Variants in COL5A1 observed in about 807,000 individuals in gnomAD.
COL5A1 encodes collagen type V alpha 1 chain, also known as collagen alpha-1(V) chain.
COL5A1 carries 16 observed loss-of-function variants against 263.7 expected under a neutral mutation model. The observed-to-expected ratio is 0.06, with a 90% confidence interval of 0.04 to 0.09. COL5A1 has a LOEUF of 0.09. Ranked by LOEUF, COL5A1 falls within the 10% of genes least tolerant of loss-of-function variation. The pLI is 1.00. For synonymous variants in COL5A1, 1,012 were observed against 1,004.5 expected (o/e 1.01, Z -0.14); for missense variants, 2,036 against 2,540.5 (o/e 0.80, Z 4.27).
At chr9:134,744,975 C>G (rs1488528927) in intron 11 of COL5A1, among the ~76,000 whole-genome samples, 2 of 152,276 alleles carry the variant, frequency 1.3e-5, no homozygotes, top group African/African-American at 4.8e-5. Flanking sequence ...TTCACCTCCA[C>G]ACGGCCCTTC....
chr9:134,730,583 C>A, intron 7 of COL5A1, 108 bp downstream of exon 7: 2 of 1,502,378 alleles, frequency 1.3e-6, no homozygotes, highest in Non-Finnish European at 1.8e-6. Context: ...CCTTGGTGTC[C>A]TCGGGTGGCC....
intron 4 of COL5A1, among the ~76,000 whole-genome samples, chr9:134,705,942 C>T (rs551185205): frequency 2.0e-3 from 309 of 152,328 alleles, no homozygotes; most frequent in Admixed American, 3.8e-3. Flanking sequence ...CCAGCTAGGG[C>T]GAGTGCTCCG....
rs79340402 is a variant in COL5A1, at chr9:134,697,537, T to C, written c.278-2372T>C. On this transcript the variant is annotated intron_variant, in intron 2 of 65. Transcript: ENST00000371817. ...TGGGGACGGGAGCCAGGTGGCCCTT[T>C]GCAATGAGAGTGAGGGAGTGGACTC... Among the ~76,000 whole-genome samples the C allele has an allele frequency of 3.1e-3, 478 of 152,158 alleles. 1 individual carries two copies. Among genetic ancestry groups the C allele is most frequent in the African/African-American group, 0.01 (430 of 41,518 alleles).
At position 134,841,830 on chromosome 9, in the gene COL5A1, T is replaced by G. The variant is rs1830109816; in HGVS notation, c.5371-327T>G. ...CTGGGGCATCACAAGGAGTCTGGAC[T>G]GGGCACGGTGGGAAGGCTGATCAGC... is the stretch of plus-strand genomic sequence containing the variant. On this transcript the variant is annotated intron_variant, in intron 65 of 65. Coordinates refer to ENST00000371817, the MANE Select transcript of COL5A1 (RefSeq NM_000093.5). The surrounding 1 kb of genome is among the most constrained non-coding windows in gnomAD (Gnocchi z 4.8). 1.3e-5 allele frequency among the ~76,000 whole-genome samples: 2 copies of G among 152,276 alleles called. No homozygotes were observed. The highest frequency in any genetic ancestry group is 3.9e-4 in the East Asian group (2 of 5,166).
intron 64 of COL5A1, chr9:134,830,266 G>A: frequency 7.4e-7 from 1 of 1,347,640 alleles, no homozygotes; most frequent in East Asian, 2.5e-5. Context: ...TCGCTGCCAT[G>A]TGTGCCACAC....
chr9:134,728,692 G>A lies in COL5A1; in HGVS notation c.809G>A (p.Gly270Asp), dbSNP rs868132191. ...DEYYTEGDGE[G>D]ETYYYEYPYY... ...CAGTACACGGAAGGAGACGGCGAGG[G>A]TGAGACCTATTACTACGAATACCCC... Residue 270 changes from glycine to aspartate, a missense_variant, in exon 6 of 66, where the codon GGT becomes GAT. Physicochemically the swap from Gly to Asp is moderately conservative, Grantham distance 94 (BLOSUM62 -1). This residue lies in a region of COL5A1 where 600 missense variants were observed against 634.5 expected (regional missense o/e 0.95). Transcript: ENST00000371817. 6.2e-7 allele frequency: 1 copy of A among 1,614,184 alleles called. No homozygotes were observed. The highest frequency in any genetic ancestry group is 1.3e-5 in the African/African-American group (1 of 75,064).
At chr9:134,829,878 G>A (rs34553909) in intron 63 of COL5A1, 98 bp from the exon 64 acceptor site, 4 of 1,358,580 alleles carry the variant, frequency 2.9e-6, no homozygotes, top group East Asian at 5.0e-5. Flanking sequence ...GGATGCAGGC[G>A]CGGGGGCCGG....
At position 134,821,668 on chromosome 9, in the gene COL5A1, C is replaced by T. The variant is rs919638646; in HGVS notation, c.4555-429C>T. Among the ~76,000 whole-genome samples, 1 of 152,212 alleles carries T rather than the reference C, an allele frequency of 6.6e-6. No individual in the cohort carries two copies. Among genetic ancestry groups the T allele is most frequent in the African/African-American group, 2.4e-5 (1 of 41,454 alleles). ...GACAGGACAGTCAGCATGGATGGGA[C>T]TCCCTGCCCAACCCCTCCGGGCTTA... On this transcript the variant is annotated intron_variant, in intron 58 of 65. Coordinates refer to ENST00000371817, the MANE Select transcript of COL5A1 (RefSeq NM_000093.5). The surrounding 1 kb of genome is among the most constrained non-coding windows in gnomAD (Gnocchi z 4.2).
chr9:134,817,656 C>T, intron 53 of COL5A1, 122 bp from the exon 54 acceptor site: 1 of 893,776 alleles, frequency 1.1e-6, no homozygotes. Context: ...GCACCTGCAC[C>T]CGAGCTCGTC....
At chr9:134,737,017 C>A (rs1026816317) in intron 9 of COL5A1, among the ~76,000 whole-genome samples, 4 of 152,230 alleles carry the variant, frequency 2.6e-5, no homozygotes, top group Non-Finnish European at 5.9e-5. Context: ...GGAGTTGGAG[C>A]CTCGTCCTTG....
At chr9:134,689,184 G>A (rs1833183566) in intron 1 of COL5A1, among the ~76,000 whole-genome samples, 2 of 152,224 alleles carry the variant, frequency 1.3e-5, no homozygotes, top group Non-Finnish European at 1.5e-5. Flanking sequence ...CCGTGGCAGT[G>A]CCGAGGCTGC....
chr9:134,801,851 G>C (rs1251030368), intron 37 of COL5A1, 103 bp from the exon 38 acceptor site: 7 of 1,004,094 alleles, frequency 7.0e-6, no homozygotes, highest in East Asian at 4.9e-5. Flanking sequence ...CATCTACTCT[G>C]GGGGGAAGGG....
intron 25 of COL5A1, 80 bp downstream of exon 25, chr9:134,768,543 T>C: frequency 6.9e-7 from 1 of 1,441,856 alleles, no homozygotes; most frequent in African/African-American, 1.4e-5. Flanking sequence ...CCAGGCTCTT[T>C]GGGGTTGTTG....
At chr9:134,658,496 G>T (rs964912531) in intron 1 of COL5A1, among the ~76,000 whole-genome samples, 20 of 152,216 alleles carry the variant, frequency 1.3e-4, no homozygotes, top group African/African-American at 4.6e-4. Context: ...GTCCTTGCAC[G>T]CCCTGGGCCC....
intron 1 of COL5A1, among the ~76,000 whole-genome samples, chr9:134,685,168 C>T (rs922726957): frequency 2.0e-5 from 3 of 148,616 alleles, no homozygotes; most frequent in Non-Finnish European, 3.0e-5. Flanking sequence ...CATCCACCAT[C>T]CATCCATTCA....
intron 1 of COL5A1, among the ~76,000 whole-genome samples, chr9:134,659,115 C>A (rs547289829): frequency 6.6e-6 from 1 of 152,078 alleles, no homozygotes; most frequent in Non-Finnish European, 1.5e-5. Flanking sequence ...CCTTTGAGGC[C>A]GGGTGTGGTG....
chr9:134,641,942 A>C lies in COL5A1; in HGVS notation c.-246A>C. 2.6e-6 allele frequency: 1 copy of C among 384,164 alleles called. No individual in the cohort carries two copies. The highest frequency in any genetic ancestry group is 4.6e-6 in the Non-Finnish European group (1 of 217,194). The allele number at this position is 384,164 out of a possible 1,614,324, so 23.8% of individuals were successfully genotyped here. ...GAGGAGGAGGAGGCGAGGGCGAGCT[A>C]GCCCAGCGGGGTCCCGGCCGCCCCG... On this transcript the variant is annotated 5_prime_UTR_variant, in exon 1 of 66. Transcript: ENST00000371817.
At chr9:134,774,121 A>G (rs1836966046) in intron 26 of COL5A1, among the ~76,000 whole-genome samples, 3 of 152,196 alleles carry the variant, frequency 2.0e-5, no homozygotes, top group African/African-American at 7.2e-5. Context: ...CTGGAACGAG[A>G]GGCATTCACT....
chr9:134,670,453 G>A (rs919982788), intron 1 of COL5A1, among the ~76,000 whole-genome samples: 4 of 152,126 alleles, frequency 2.6e-5, no homozygotes, highest in Non-Finnish European at 1.5e-5. Flanking sequence ...CGAGAACTGG[G>A]GCTGCTCACC....
Sources: gnomAD v4.1 joint callset for allele counts (sites outside exome capture counted in the v4.1 genomes callset) on GRCh38, gnomAD v4.1.1 for gene constraint, gnomAD v4.1.1 regional missense constraint, Gnocchi (gnomAD v3.1) non-coding constraint, MANE v1.5 for transcripts, NCBI Gene and HGNC (gene_info 2026-07-23, HGNC 2026-07-21) for gene names.